Variants in PLXNA4 observed in about 807,000 individuals in gnomAD.
PLXNA4 encodes plexin-A4.
Under a neutral mutation model 191.8 loss-of-function variants are expected in PLXNA4, and 44 were observed. That is an observed-to-expected ratio of 0.23 (90% CI 0.18 to 0.29). PLXNA4 has a LOEUF of 0.29. Ranked by LOEUF, PLXNA4 falls within the 10% of genes least tolerant of loss-of-function variation. The probability of loss-of-function intolerance (pLI) is 1.00; values close to 1 mark genes in which losing one functional copy is unlikely to be tolerated. For synonymous variants in PLXNA4, 1,082 were observed against 1,009.5 expected, an observed-to-expected ratio of 1.07 and a Z score of -1.36; for missense variants, 1,800 against 2,488.8, an observed-to-expected ratio of 0.72 and a Z score of 5.89.
At chr7:132,199,596 G>C (rs2116849597) in intron 12 of PLXNA4, among the ~76,000 whole-genome samples, 1 of 152,242 alleles carries the variant, frequency 6.6e-6, no homozygotes, top group East Asian at 1.9e-4. Context: ...ACCAGCACCT[G>C]GACCTTAGCC....
At chr7:132,452,524 G>A (rs910092166) in intron 3 of PLXNA4, among the ~76,000 whole-genome samples, 14 of 152,244 alleles carry the variant, frequency 9.2e-5, no homozygotes, top group African/African-American at 2.2e-4. Flanking sequence ...TTCTAGTCTC[G>A]CATCTCTCCC....
intron 3 of PLXNA4, among the ~76,000 whole-genome samples, chr7:132,325,668 A>G (rs1802329290): frequency 6.6e-6 from 1 of 152,158 alleles, no homozygotes; most frequent in Admixed American, 6.5e-5. Flanking sequence ...AGGGTTCTAC[A>G]CAGAGCCTCA....
chr7:132,539,118 C>T (rs950547994), intron 1 of PLXNA4, among the ~76,000 whole-genome samples: 6 of 152,210 alleles, frequency 3.9e-5, no homozygotes, highest in Admixed American at 3.3e-4. Flanking sequence ...ACCTATTGTG[C>T]CTACTTAGGA....
intron 2 of PLXNA4, among the ~76,000 whole-genome samples, chr7:132,607,213 A>G (rs1198390801): frequency 6.6e-6 from 1 of 152,230 alleles, no homozygotes; most frequent in Non-Finnish European, 1.5e-5. Flanking sequence ...AGGCTGACCT[A>G]CACATACACC....
intron 3 of PLXNA4, among the ~76,000 whole-genome samples, chr7:132,364,945 T>C (rs1187673079): frequency 6.6e-6 from 1 of 152,224 alleles, no homozygotes; most frequent in African/African-American, 2.4e-5. Context: ...GCCTGGCACC[T>C]AAAAGCACAA....
intron 3 of PLXNA4, among the ~76,000 whole-genome samples, chr7:132,346,471 C>T (rs1239896396): frequency 6.6e-6 from 1 of 152,212 alleles, no homozygotes; most frequent in East Asian, 1.9e-4. Context: ...ACACTCTTCT[C>T]TCTATAAAGC....
chr7:132,385,038 C>A, intron 3 of PLXNA4: 1 of 1,455,490 alleles, frequency 6.9e-7, no homozygotes. Context: ...TCTCCAAAGT[C>A]TTTTTTCCCT....
At chr7:132,201,208 C>T (rs551666933) in intron 12 of PLXNA4, among the ~76,000 whole-genome samples, 2 of 152,246 alleles carry the variant, frequency 1.3e-5, no homozygotes, top group African/African-American at 4.8e-5. Flanking sequence ...TCCCTCACAG[C>T]CCTCAGGAGG....
chr7:132,206,306 G>A (rs1797614203), intron 10 of PLXNA4, among the ~76,000 whole-genome samples: 1 of 152,172 alleles, frequency 6.6e-6, no homozygotes, highest in South Asian at 2.1e-4. Flanking sequence ...GGGATGCTAT[G>A]CAAAACTATA....
At chr7:132,304,059 T>C (rs1801417493) in intron 3 of PLXNA4, among the ~76,000 whole-genome samples, 1 of 152,172 alleles carries the variant, frequency 6.6e-6, no homozygotes, top group Non-Finnish European at 1.5e-5. Context: ...AAAGCCACCT[T>C]AGGGGACAAA....
chr7:132,467,003 T>C (rs1585177103), intron 3 of PLXNA4, among the ~76,000 whole-genome samples: 1 of 152,284 alleles, frequency 6.6e-6, no homozygotes, highest in African/African-American at 2.4e-5. Context: ...CTGCCCTCCA[T>C]GATCATTAGC....
chr7:132,565,871 G>T (rs551687843), intron 1 of PLXNA4, among the ~76,000 whole-genome samples: 3 of 152,178 alleles, frequency 2.0e-5, no homozygotes, highest in Admixed American at 6.5e-5. Flanking sequence ...CTTTCAAAGG[G>T]TGGCTGCCAC....
chr7:132,223,670 C>A, intron 8 of PLXNA4, 29 bp from the exon 9 acceptor site: 1 of 1,583,856 alleles, frequency 6.3e-7, no homozygotes, highest in South Asian at 1.1e-5. Flanking sequence ...AGGCACAAAT[C>A]TAAGAACCTG....
intron 4 of PLXNA4, among the ~76,000 whole-genome samples, chr7:132,252,002 T>C (rs1425111433): frequency 6.6e-6 from 1 of 152,224 alleles, no homozygotes; most frequent in Non-Finnish European, 1.5e-5. Context: ...CAGGTGCTGC[T>C]GGCTTAGAAA....
chr7:132,593,800 G>A (rs1802650677), intron 2 of PLXNA4, among the ~76,000 whole-genome samples: 3 of 152,264 alleles, frequency 2.0e-5, no homozygotes, highest in Admixed American at 6.5e-5. Flanking sequence ...CCATACAATA[G>A]GGGATTTCCC....
At chr7:132,286,372 G>A (rs181451843) in intron 4 of PLXNA4, among the ~76,000 whole-genome samples, 143 of 152,304 alleles carry the variant, frequency 9.4e-4, no homozygotes, top group African/African-American at 3.3e-3. Flanking sequence ...ATGATTATAG[G>A]TGGTTGTCTT....
chr7:132,159,201 G>A (rs1795878654), intron 25 of PLXNA4, among the ~76,000 whole-genome samples: 1 of 152,120 alleles, frequency 6.6e-6, no homozygotes, highest in Non-Finnish European at 1.5e-5. Context: ...GGACCCCAGA[G>A]GCATGTCCTG....
chr7:132,339,645 T>G (rs1201336715), intron 3 of PLXNA4, among the ~76,000 whole-genome samples: 2 of 152,166 alleles, frequency 1.3e-5, no homozygotes, highest in African/African-American at 4.8e-5. Flanking sequence ...GAATAAACCT[T>G]AATATAACCT....
intron 3 of PLXNA4, among the ~76,000 whole-genome samples, chr7:132,311,587 T>C (rs1801743334): frequency 6.6e-6 from 1 of 152,084 alleles, no homozygotes; most frequent in Non-Finnish European, 1.5e-5. Flanking sequence ...GCAAAAACAA[T>C]TACTAGAGCT....
Sources: allele counts gnomAD v4.1 joint callset (sites outside exome capture counted in the v4.1 genomes callset), GRCh38; gene constraint gnomAD v4.1.1; transcripts MANE v1.5; gene names NCBI Gene and HGNC (gene_info 2026-07-23, HGNC 2026-07-21).